Variants in SHANK2 observed in about 807,000 individuals in gnomAD.
SHANK2 encodes the protein SH3 and multiple ankyrin repeat domains protein 2.
Under a neutral mutation model 133.7 loss-of-function variants are expected in SHANK2, and 43 were observed. That is an observed-to-expected ratio of 0.32 (90% confidence interval 0.25 to 0.41). The LOEUF (loss-of-function observed/expected upper bound fraction) is 0.41. Among genes scored for constraint, SHANK2 ranks in the 10% least tolerant of loss-of-function variants. SHANK2 has a pLI of 1.00. For missense variants in SHANK2, 1,994 were observed against 2,235.8 expected (o/e 0.89, Z 2.18); for synonymous variants, 1,017 against 952.8 (o/e 1.07, Z -1.24).
At chr11:70,729,667 G>A (rs1946243934) in intron 14 of SHANK2, among the ~76,000 whole-genome samples, 1 of 151,592 alleles carries the variant, frequency 6.6e-6, no homozygotes, top group Non-Finnish European at 1.5e-5. Context: ...TGGGACTACA[G>A]GTGCCCGCTA....
At chr11:71,226,349 T>C (rs1476315245) in intron 1 of SHANK2, among the ~76,000 whole-genome samples, 5 of 152,112 alleles carry the variant, frequency 3.3e-5, no homozygotes, top group African/African-American at 1.2e-4. Flanking sequence ...TAACTTTAAA[T>C]GTTTGAAATC....
chr11:71,116,768 G>A (rs1232364514), intron 4 of SHANK2, among the ~76,000 whole-genome samples: 1 of 152,176 alleles, frequency 6.6e-6, no homozygotes, highest in African/African-American at 2.4e-5. Flanking sequence ...CTCCTGAATG[G>A]CCTGGAGCCC....
intron 11 of SHANK2, among the ~76,000 whole-genome samples, chr11:70,867,343 C>T (rs1328739338): frequency 6.6e-6 from 1 of 152,212 alleles, no homozygotes; most frequent in East Asian, 1.9e-4. Context: ...CGTCTTGGCT[C>T]CACACGGGCA....
chr11:70,648,562 G>A (rs1389542565), intron 17 of SHANK2, among the ~76,000 whole-genome samples: 2 of 152,072 alleles, frequency 1.3e-5, no homozygotes, highest in African/African-American at 4.8e-5. Flanking sequence ...CAGATATGGG[G>A]GTAAAGTTTA....
At chr11:70,689,166 TTG>T (rs1945222681) in intron 15 of SHANK2, among the ~76,000 whole-genome samples, 1 of 152,144 alleles carries the variant, frequency 6.6e-6, no homozygotes, top group African/African-American at 2.4e-5. Flanking sequence ...GCTTATCCCA[TTG>T]TTGAAAGGAA....
At chr11:70,649,479 G>T (rs1417083241) in intron 17 of SHANK2, among the ~76,000 whole-genome samples, 1 of 152,172 alleles carries the variant, frequency 6.6e-6, no homozygotes, top group East Asian at 1.9e-4. Context: ...TCAATTAAAA[G>T]ATCCTGTGGG....
intron 8 of SHANK2, among the ~76,000 whole-genome samples, chr11:71,077,139 A>C (rs1219572684): frequency 6.6e-6 from 1 of 152,166 alleles, no homozygotes; most frequent in East Asian, 1.9e-4. Context: ...CCCCTCACCC[A>C]GTCGTTTGCA....
intron 2 of SHANK2, among the ~76,000 whole-genome samples, chr11:71,199,267 A>C (rs782333477): frequency 1.1e-4 from 17 of 152,172 alleles, no homozygotes; most frequent in Non-Finnish European, 1.8e-4. Flanking sequence ...TTCCCACCTC[A>C]CAAGGCAAAT....
intron 17 of SHANK2, 99 bp from the exon 18 acceptor site, chr11:70,503,030 G>A (rs2059083753): frequency 7.5e-7 from 1 of 1,327,726 alleles, no homozygotes; most frequent in Non-Finnish European, 1.1e-6. Context: ...CTAAAAAGGG[G>A]GCAAATGCAG....
chr11:70,803,920 C>G (rs1444314866), intron 13 of SHANK2, among the ~76,000 whole-genome samples: 2 of 152,012 alleles, frequency 1.3e-5, no homozygotes, highest in African/African-American at 2.4e-5. Flanking sequence ...TTCCCAGGTA[C>G]ATGGTATGCA....
At chr11:71,106,511 G>T (rs576802729) in intron 6 of SHANK2, among the ~76,000 whole-genome samples, 1 of 152,178 alleles carries the variant, frequency 6.6e-6, no homozygotes. Context: ...AGGTAACTCT[G>T]TGCTACTGTC....
chr11:70,824,603 C>T (rs368454016), intron 11 of SHANK2, among the ~76,000 whole-genome samples: 154 of 152,252 alleles, frequency 1.0e-3, no homozygotes, highest in African/African-American at 2.9e-3. Flanking sequence ...ACAGCCACCA[C>T]CCACGAGAAA....
intron 17 of SHANK2, among the ~76,000 whole-genome samples, chr11:70,583,940 T>G (rs1554986092): frequency 6.6e-6 from 1 of 152,166 alleles, no homozygotes; most frequent in Non-Finnish European, 1.5e-5. Flanking sequence ...CTCTGCAGCT[T>G]GCTCAGCCCA....
At chr11:70,852,536 A>G (rs1435766105) in intron 11 of SHANK2, among the ~76,000 whole-genome samples, 2 of 152,102 alleles carry the variant, frequency 1.3e-5, no homozygotes, top group African/African-American at 4.8e-5. Flanking sequence ...TTTCTGGGGG[A>G]CTGTGTGTTC....
intron 14 of SHANK2, among the ~76,000 whole-genome samples, chr11:70,747,213 C>T (rs1456813548): frequency 4.6e-5 from 7 of 151,860 alleles, no homozygotes; most frequent in Non-Finnish European, 7.4e-5. Flanking sequence ...AAGTGGAAAC[C>T]GGTGGCAGAG....
chr11:70,663,112 G>A (rs1944605911), intron 15 of SHANK2, among the ~76,000 whole-genome samples: 1 of 152,178 alleles, frequency 6.6e-6, no homozygotes, highest in Non-Finnish European at 1.5e-5. Flanking sequence ...GCCGGAAAAA[G>A]CTGCAGATGG....
intron 17 of SHANK2, among the ~76,000 whole-genome samples, chr11:70,573,009 G>A (rs1377649825): frequency 1.3e-5 from 2 of 152,154 alleles, no homozygotes; most frequent in African/African-American, 4.8e-5. Flanking sequence ...CATCGATCGT[G>A]ACTGGTCACC....
chr11:70,680,845 T>C (rs1379075291), intron 15 of SHANK2, among the ~76,000 whole-genome samples: 1 of 152,244 alleles, frequency 6.6e-6, no homozygotes, highest in East Asian at 1.9e-4. Flanking sequence ...GCAGGCACCG[T>C]CCTCCTTGTG....
At chr11:70,731,862 C>T (rs1390597565) in intron 14 of SHANK2, among the ~76,000 whole-genome samples, 10 of 152,194 alleles carry the variant, frequency 6.6e-5, no homozygotes, top group East Asian at 3.9e-4. Flanking sequence ...GAGCAGCCCT[C>T]GTCTCAGCTG....
Sources: allele counts gnomAD v4.1 joint callset (sites outside exome capture counted in the v4.1 genomes callset), GRCh38; gene constraint gnomAD v4.1.1; transcripts MANE v1.5; gene names NCBI Gene and HGNC (gene_info 2026-07-23, HGNC 2026-07-21).